EXOSC1: variants seen among roughly 807,000 people sequenced by gnomAD.
EXOSC1 encodes exosome component 1, also known as exosome complex component CSL4.
In EXOSC1, 27 loss-of-function variants were observed where a neutral mutation model predicts 31.4. The observed-to-expected ratio is 0.86, with a 90% CI of 0.63 to 1.18. The LOEUF (loss-of-function observed/expected upper bound fraction) is 1.18. EXOSC1 is among the 50% of genes most tolerant of loss of function. The probability of loss-of-function intolerance (pLI) is 0.00; values close to 1 mark genes in which losing one functional copy is unlikely to be tolerated. For synonymous variants in EXOSC1, 84 were observed against 89.5 expected, an observed-to-expected ratio of 0.94 and a Z score of 0.35; for missense variants, 228 against 250.3, an observed-to-expected ratio of 0.91 and a Z score of 0.60.
At position 97,437,671 on chromosome 10, in the gene EXOSC1, ACCAGAAGTCTGCTG is replaced by A. The variant is rs1845585081; in HGVS notation, c.396+15_396+28del. On this transcript the variant is annotated intron_variant, in intron 6 of 7. Transcript: ENST00000370902. ...CCTCCTTCTCTTCTTTTGACAAAGG[ACCAGAAGTCTGCTG>A]GGAATAAAGGATACCACTTTGGCCA... is the stretch of plus-strand genomic sequence containing the variant. The A allele has an allele frequency of 6.2e-7, 1 of 1,608,260 alleles. No individual in the cohort carries two copies. The highest frequency in any genetic ancestry group is 2.2e-5 in the East Asian group (1 of 44,756).
intron 4 of EXOSC1, among the ~76,000 whole-genome samples, chr10:97,440,337 C>T (rs1303866092): frequency 2.0e-5 from 3 of 151,918 alleles, no homozygotes; most frequent in African/African-American, 7.3e-5. Flanking sequence ...ATTCTTTTTG[C>T]TTTACCTTTT....
At chr10:97,444,555 C>T (rs1220789236) in intron 2 of EXOSC1, 1 of 152,228 alleles carries the variant, frequency 6.6e-6, no homozygotes, top group African/African-American at 2.4e-5. Flanking sequence ...ACATATGTAA[C>T]CATATGCTCA....
At chr10:97,441,037 T>G in intron 4 of EXOSC1, 134 bp downstream of exon 4, 1 of 670,834 alleles carries the variant, frequency 1.5e-6, no homozygotes, top group Non-Finnish European at 2.5e-6. Flanking sequence ...TAGGGGAGAA[T>G]CAAAGCACAA....
In EXOSC1 at chr10:97,445,903, C is replaced by T; in HGVS notation, c.31+52G>A. On this transcript the variant is annotated intron_variant, in intron 1 of 7. Coordinates refer to ENST00000370902, the MANE Select transcript of EXOSC1 (RefSeq NM_016046.5). ...CCCCCAGAAGCTGTAGGCCGTTTAG[C>T]CTTCTTGCTTCAGCCCCTATCCAGG... is the stretch of plus-strand genomic sequence containing the variant. 6.8e-6 allele frequency: 11 copies of T among 1,613,668 alleles called. No homozygotes were observed. The South Asian group carries it at 1.1e-4, about 16-fold the overall frequency.
chr10:97,440,101 T>C (rs1845669023), intron 4 of EXOSC1, among the ~76,000 whole-genome samples: 1 of 151,988 alleles, frequency 6.6e-6, no homozygotes, highest in Non-Finnish European at 1.5e-5. Context: ...GCCTCCCTAG[T>C]AGCTGGGATT....
At chr10:97,440,732 T>G (rs983356101) in intron 4 of EXOSC1, 1 of 153,884 alleles carries the variant, frequency 6.5e-6, no homozygotes, top group African/African-American at 2.4e-5. Context: ...CTGGCCAGGC[T>G]GGTCTCAAAC....
intron 5 of EXOSC1, among the ~76,000 whole-genome samples, chr10:97,438,111 G>C (rs1226896312): frequency 6.6e-6 from 1 of 152,058 alleles, no homozygotes. Flanking sequence ...TAGAGACGGG[G>C]TTTCACCATG....
At chr10:97,443,340 T>A (rs754734995) in intron 2 of EXOSC1, 29 bp from the exon 3 acceptor site, 2 of 1,600,320 alleles carry the variant, frequency 1.2e-6, no homozygotes, top group Non-Finnish European at 1.7e-6. Context: ...AAAACTGAAA[T>A]GTCCTGACTA....
chr10:97,441,882 A>C (rs1359098498), intron 3 of EXOSC1, among the ~76,000 whole-genome samples: 2 of 150,308 alleles, frequency 1.3e-5, no homozygotes, highest in African/African-American at 4.9e-5. Flanking sequence ...ATTAAAAAAA[A>C]AAAAAAAAAA....
chr10:97,439,368 C>T (rs1227421390), intron 4 of EXOSC1, among the ~76,000 whole-genome samples: 1 of 152,194 alleles, frequency 6.6e-6, no homozygotes, highest in Non-Finnish European at 1.5e-5. Context: ...GTATTTACAG[C>T]TGCTTCCCAA....
intron 4 of EXOSC1, among the ~76,000 whole-genome samples, chr10:97,439,951 C>G (rs575897036): frequency 6.9e-4 from 105 of 151,724 alleles, no homozygotes; most frequent in African/African-American, 2.4e-3. Context: ...TTTTAAAGTG[C>G]TTCCTAAAAT....
chr10:97,445,537 A>G, intron 2 of EXOSC1, 195 bp downstream of exon 2: 1 of 586,982 alleles, frequency 1.7e-6, no homozygotes, highest in East Asian at 2.8e-5. Context: ...CAGCAGCACA[A>G]CCAAGCGAGA....
In EXOSC1 at chr10:97,441,275, A is replaced by G. The variant is rs1589465377; in HGVS notation, c.223-16T>C. Reference sequence around the variant, plus strand: ...TGCTAGAGACCTGCGGAATAGAGAAAAGATCAGCATCAGAGTATAAGCAGT... The same window carrying G: ...TGCTAGAGACCTGCGGAATAGAGAAGAGATCAGCATCAGAGTATAAGCAGT... On this transcript the variant is annotated splice_polypyrimidine_tract_variant and intron_variant, in intron 3 of 7. Transcript: ENST00000370902. The G allele has an allele frequency of 1.9e-6, 3 of 1,611,564 alleles. No homozygotes were observed. The highest frequency in any genetic ancestry group is 2.5e-6 in the Non-Finnish European group (3 of 1,177,804).
intron 3 of EXOSC1, among the ~76,000 whole-genome samples, chr10:97,441,752 AGTG>A (rs1186708457): frequency 1.3e-5 from 2 of 148,794 alleles, no homozygotes; most frequent in Non-Finnish European, 3.0e-5. Context: ...AGCCTCCCAA[AGTG>A]CTGGGATTAC....
At position 97,438,551 on chromosome 10, in the gene EXOSC1, C is replaced by T. The variant is rs935678554; in HGVS notation, c.345+119G>A. ...AAGTCCTGGACTCAAGTGATCCTCCCGCCTCAGCCTCCCAAAGTACTGGGA... is the reference window on the plus strand; with the variant it reads ...AAGTCCTGGACTCAAGTGATCCTCCTGCCTCAGCCTCCCAAAGTACTGGGA... On this transcript the variant is annotated intron_variant, in intron 5 of 7. Transcript: ENST00000370902. 22 of 887,610 alleles carry T rather than the reference C, an allele frequency of 2.5e-5. No homozygotes were observed. The East Asian group carries it at 3.5e-4, about 14-fold the overall frequency. The allele number at this position is 887,610 out of a possible 1,614,324, so 55.0% of individuals were successfully genotyped here. A position where few individuals can be genotyped will look rare whatever the true frequency, so the allele number is the denominator to read the frequency against.
In EXOSC1 at chr10:97,439,529, T is replaced by C. The variant is rs570325832; in HGVS notation, c.312-826A>G. Among the ~76,000 whole-genome samples the C allele has an allele frequency of 9.2e-5, 14 of 152,344 alleles. No homozygotes were observed. The East Asian group carries it at 2.7e-3, about 29-fold the overall frequency. The stretch of plus-strand genomic sequence containing the variant: ...AATCTAATGCCTGATGATCTGTCAC[T>C]GTCTCCCATCACCCCCAGATGGGAC... On this transcript the variant is annotated intron_variant, in intron 4 of 7. Coordinates refer to ENST00000370902, the MANE Select transcript of EXOSC1 (RefSeq NM_016046.5).
chr10:97,443,538 T>C (rs1178223991), intron 2 of EXOSC1, among the ~76,000 whole-genome samples: 1 of 152,214 alleles, frequency 6.6e-6, no homozygotes, highest in South Asian at 2.1e-4. Context: ...TTTTTTGTTG[T>C]TGGAGACGGA....
At position 97,438,669 on chromosome 10, in the gene EXOSC1, C is replaced by A. The variant is rs1477186934; in HGVS notation, c.345+1G>T. Reference sequence around the variant, plus strand: ...TTAAAAAAAAAGAACCAACCAACAACCTTGTCTTTTTCAGTTGCTCGGACA... The same window carrying A: ...TTAAAAAAAAAGAACCAACCAACAAACTTGTCTTTTTCAGTTGCTCGGACA... On this transcript the variant is annotated splice_donor_variant, in intron 5 of 7. Coordinates refer to ENST00000370902, the MANE Select transcript of EXOSC1 (RefSeq NM_016046.5). LOFTEE classifies it high-confidence loss of function. The A allele has an allele frequency of 1.9e-6, 3 of 1,611,718 alleles. No individual in the cohort carries two copies. In the Admixed American group the frequency reaches 5.0e-5, roughly 27 times the overall value.
chr10:97,439,935 ATTAAATT>A (rs2133148132), intron 4 of EXOSC1, among the ~76,000 whole-genome samples: 1 of 151,116 alleles, frequency 6.6e-6, no homozygotes, highest in East Asian at 1.9e-4. Flanking sequence ...TTCAATCTAT[ATTAAATT>A]TTAAAGTGCT....
Sources: allele counts gnomAD v4.1 joint callset (sites outside exome capture counted in the v4.1 genomes callset), GRCh38; gene constraint gnomAD v4.1.1; transcripts MANE v1.5; gene names NCBI Gene and HGNC (gene_info 2026-07-23, HGNC 2026-07-21).